The following UGT2B10 variants were observed in gnomAD, a reference collection of about 807,000 sequenced individuals.
The protein encoded by UGT2B10 is UDP-glucuronosyltransferase 2B10.
Under a neutral mutation model 43.7 loss-of-function variants are expected in UGT2B10, and 51 were observed. That is an observed-to-expected ratio of 1.17 (90% CI 0.93 to 1.47). The LOEUF (loss-of-function observed/expected upper bound fraction) is 1.47, where lower values mean the gene tolerates loss of function less well. UGT2B10 is among the 40% of genes most tolerant of loss of function. The pLI, the probability that UGT2B10 is intolerant of heterozygous loss-of-function variation, is 0.00. For missense variants in UGT2B10, 696 were observed against 617.7 expected (o/e 1.13, Z -1.34); for synonymous variants, 225 against 209.0 (o/e 1.08, Z -0.66).
At position 68,816,377 on chromosome 4, in the gene UGT2B10, G is replaced by T. The variant is rs1737205358; in HGVS notation, c.358G>T (p.Asp120Tyr). Residue 120 changes from aspartate to tyrosine, a missense_variant, in exon 1 of 6, where the codon GAC (aspartate) becomes TAC (tyrosine). Coordinates refer to ENST00000265403, the MANE Select transcript of UGT2B10 (RefSeq NM_001075.6). ...ACAAGAAATCCTGTGGGCAATTAAT[G>T]ACATAATTAGAAACTTCTGTAAAGA... ...QEQEILWAIN[D>Y]IIRNFCKDVV... 2 of 1,612,774 alleles carry T rather than the reference G, an allele frequency of 1.2e-6. No homozygotes were observed. Among genetic ancestry groups the T allele is most frequent in the African/African-American group, 2.7e-5 (2 of 74,906 alleles).
In UGT2B10 at chr4:68,830,693, G is replaced by T; in HGVS notation, c.1401G>T (p.Met467Ile). 6.2e-7 allele frequency: 1 copy of T among 1,613,350 alleles called. No homozygotes were observed. Reference protein sequence around the residue: ...DRAVFWIEFVMRHKGAKHLRV... With the variant: ...DRAVFWIEFVIRHKGAKHLRV... Reference sequence around the variant, plus strand: ...CAGTCTTCTGGATTGAATTTGTCATGCGCCACAAAGGAGCCAAACATCTTC... The same window carrying T: ...CAGTCTTCTGGATTGAATTTGTCATTCGCCACAAAGGAGCCAAACATCTTC... Residue 467 changes from methionine (M) to isoleucine (I), a missense_variant, in exon 6 of 6, where the codon ATG (methionine) becomes ATT (isoleucine). By Grantham distance (10) the Met-to-Ile change is conservative. Transcript: ENST00000265403.
At chr4:68,821,240 T>C (rs1737477989) in intron 2 of UGT2B10, among the ~76,000 whole-genome samples, 1 of 152,190 alleles carries the variant, frequency 6.6e-6, no homozygotes, top group Admixed American at 6.6e-5. Context: ...TATTTAAATT[T>C]ATATATTGGC....
At chr4:68,817,626 T>A (rs1399612632) in intron 1 of UGT2B10, among the ~76,000 whole-genome samples, 1 of 151,762 alleles carries the variant, frequency 6.6e-6, no homozygotes, top group Non-Finnish European at 1.5e-5. Context: ...CTAGACTATT[T>A]GTTAGAAAAT....
chr4:68,819,837 A>G (rs1423693540), intron 2 of UGT2B10, among the ~76,000 whole-genome samples: 2 of 152,088 alleles, frequency 1.3e-5, no homozygotes, highest in East Asian at 1.9e-4. Flanking sequence ...AACTTCATAT[A>G]TTTTAATTAA....
Position 68,831,686 on chromosome 4 carries a change from C to A in UGT2B10, c.*807C>A, listed in dbSNP as rs1273136603. 6.6e-6 allele frequency among the ~76,000 whole-genome samples: 1 copy of A among 152,080 alleles called. No individual in the cohort carries two copies. Among genetic ancestry groups the A allele is most frequent in the Non-Finnish European group, 1.5e-5 (1 of 67,992 alleles). ...GTTAAAGCTTTACTGATTAGTTTTT[C>A]TTCCAAAGCTCTCTTGTTTCTAGTT... On this transcript the variant is annotated 3_prime_UTR_variant, in exon 6 of 6. Coordinates refer to ENST00000265403, the MANE Select transcript of UGT2B10 (RefSeq NM_001075.6).
chr4:68,830,481 T>C (rs1410083101), intron 5 of UGT2B10, 119 bp from the exon 6 acceptor site: 69 of 1,257,672 alleles, frequency 5.5e-5, no homozygotes, highest in Non-Finnish European at 7.1e-5. Context: ...ATAAATTCTA[T>C]ATCAATTCTT....
intron 5 of UGT2B10, 84 bp from the exon 6 acceptor site, chr4:68,830,516 C>G: frequency 7.1e-7 from 1 of 1,406,430 alleles, no homozygotes. Context: ...AATTATTTGA[C>G]ACTTTAAAAG....
intron 3 of UGT2B10, among the ~76,000 whole-genome samples, chr4:68,826,063 T>C (rs1737756655): frequency 1.3e-5 from 2 of 152,214 alleles, no homozygotes; most frequent in South Asian, 2.1e-4. Flanking sequence ...CTCATTGTGG[T>C]TTTGATTTGA....
chr4:68,819,813 C>T (rs989980446), intron 2 of UGT2B10, among the ~76,000 whole-genome samples: 18 of 151,968 alleles, frequency 1.2e-4, no homozygotes, highest in African/African-American at 3.6e-4. Flanking sequence ...ATATTCTTTT[C>T]GAAGGAATAC....
At position 68,816,063 on chromosome 4, in the gene UGT2B10, T is replaced by C. The variant is rs749692409; in HGVS notation, c.44T>C (p.Phe15Ser). 2.5e-6 allele frequency: 4 copies of C among 1,612,916 alleles called. No individual in the cohort carries two copies. The highest frequency in any genetic ancestry group is 3.4e-6 in the Non-Finnish European group (4 of 1,179,272). ...ACAGTTCTGCTGATACAACTCAGTT[T>C]TTACTTTAGCTCTGGGAGTTGTGGA... ...WTTVLLIQLS[F>S]YFSSGSCGKV... The change falls in exon 1 of 6, where the codon TTT becomes TCT. Residue 15 changes from phenylalanine (F) to serine (S), a missense_variant. Physicochemically the swap from Phe to Ser is radical, Grantham distance 155. Coordinates refer to ENST00000265403, the MANE Select transcript of UGT2B10 (RefSeq NM_001075.6).
chr4:68,822,698 T>G (rs571531071), intron 3 of UGT2B10, among the ~76,000 whole-genome samples: 22 of 152,254 alleles, frequency 1.4e-4, no homozygotes, highest in African/African-American at 5.3e-4. Context: ...CCACAATTAC[T>G]TTTAATTTCT....
chr4:68,827,683 C>T, intron 5 of UGT2B10, 135 bp downstream of exon 5: 1 of 1,404,676 alleles, frequency 7.1e-7, no homozygotes, highest in South Asian at 1.6e-5. Context: ...CCGAAATCTG[C>T]TTTTACTTTT....
chr4:68,819,589 C>T (rs1182838299), intron 2 of UGT2B10, among the ~76,000 whole-genome samples: 4 of 151,908 alleles, frequency 2.6e-5, no homozygotes, highest in Non-Finnish European at 4.4e-5. Context: ...AGAGCATAAA[C>T]ATATCCTATT....
In UGT2B10 at chr4:68,831,702, G is replaced by T. The variant is rs1461781296; in HGVS notation, c.*823G>T. Among the ~76,000 whole-genome samples, 3 of 151,938 alleles carry T rather than the reference G, an allele frequency of 2.0e-5. No homozygotes were observed. Among genetic ancestry groups the T allele is most frequent in the Admixed American group, 6.6e-5 (1 of 15,218 alleles). ...TTAGTTTTTCTTCCAAAGCTCTCTT[G>T]TTTCTAGTTGTTTTCTTGGTCTTAA... On this transcript the variant is annotated 3_prime_UTR_variant, in exon 6 of 6. Transcript: ENST00000265403.
At chr4:68,819,103 G>C (rs996351148) in intron 2 of UGT2B10, among the ~76,000 whole-genome samples, 3 of 152,002 alleles carry the variant, frequency 2.0e-5, no homozygotes, top group African/African-American at 7.2e-5. Context: ...TACAAAAATA[G>C]TGCCAACTTC....
chr4:68,818,986 G>A (rs1737362949), intron 2 of UGT2B10, among the ~76,000 whole-genome samples: 2 of 151,876 alleles, frequency 1.3e-5, no homozygotes, highest in South Asian at 4.1e-4. Flanking sequence ...AATTGCAGAA[G>A]GGCCAGACTG....
chr4:68,816,661 C>T lies in UGT2B10; in HGVS notation c.642C>T (p.Leu214=). ...TCATGGAGAGGGTAAAAAATATGCT[C>T]TATGTGCTTTATTTTGACTTTTGGT... ...MTFMERVKNM[L]YVLYFDFWFQ... The change falls in exon 1 of 6, where the codon CTC becomes CTT. Residue 214 remains leucine, a synonymous_variant. Transcript: ENST00000265403. The T allele has an allele frequency of 3.7e-6, 6 of 1,612,330 alleles. No homozygotes were observed. Among genetic ancestry groups the T allele is most frequent in the African/African-American group, 1.3e-5 (1 of 74,930 alleles).
At position 68,830,766 on chromosome 4, in the gene UGT2B10, G is replaced by A. The variant is rs1315486650; in HGVS notation, c.1474G>A (p.Val492Met). 1.9e-6 allele frequency: 3 copies of A among 1,613,416 alleles called. No homozygotes were observed. Among genetic ancestry groups the A allele is most frequent in the Non-Finnish European group, 8.5e-7 (1 of 1,179,556 alleles). ...LTWFQYHSLD[V>M]IGFLLACVAT... The stretch of plus-strand genomic sequence containing the variant: ...CTGGTTCCAGTACCACTCTTTGGAT[G>A]TGATTGGGTTCCTGCTGGCTTGTGT... The change falls in exon 6 of 6, where the codon GTG (valine) becomes ATG (methionine). Residue 492 changes from valine (V) to methionine (M), a missense_variant. Transcript: ENST00000265403.
chr4:68,816,762 A>T lies in UGT2B10; in HGVS notation c.718+25A>T, dbSNP rs376492506. Reference sequence around the variant, plus strand: ...GGTAAGATTTTTTTCAATTAGTAACATGAAGCTCTAACTTATTTGTGTCTT... The same window carrying T: ...GGTAAGATTTTTTTCAATTAGTAACTTGAAGCTCTAACTTATTTGTGTCTT... On this transcript the variant is annotated intron_variant, in intron 1 of 5. Coordinates refer to ENST00000265403, the MANE Select transcript of UGT2B10 (RefSeq NM_001075.6). 2.6e-6 allele frequency: 4 copies of T among 1,536,308 alleles called. No individual in the cohort carries two copies. In the South Asian group the frequency reaches 3.7e-5, roughly 14 times the overall value.
Sources: gnomAD v4.1 joint callset for allele counts (sites outside exome capture counted in the v4.1 genomes callset) on GRCh38, gnomAD v4.1.1 for gene constraint, MANE v1.5 for transcripts, NCBI Gene and HGNC (gene_info 2026-07-23, HGNC 2026-07-21) for gene names.